VGLL1: variants seen among roughly 807,000 people sequenced by gnomAD.
VGLL1 encodes the protein transcription cofactor vestigial-like protein 1.
In VGLL1, 4 loss-of-function variants were observed where a neutral mutation model predicts 12.0. The ratio of observed to expected loss-of-function variants is 0.33; its 90% CI spans 0.16 to 0.76. The LOEUF is 0.76. Among genes scored for constraint, VGLL1 ranks in the 30% least tolerant of loss-of-function variants. VGLL1 has a pLI of 0.60. For synonymous variants in VGLL1, 87 were observed against 81.2 expected, an observed-to-expected ratio of 1.07 and a Z score of -0.39; for missense variants, 204 against 208.7, an observed-to-expected ratio of 0.98 and a Z score of 0.14.
chrX:136,538,607 C>T (rs754711571), intron 2 of VGLL1, among the ~76,000 whole-genome samples: 4 of 112,460 alleles, frequency 3.6e-5, no homozygotes, highest in Non-Finnish European at 7.5e-5. Flanking sequence ...GGAAGACGTA[C>T]GTACCTCCAA....
rs758487310 is a variant in VGLL1 at position 136,548,912 on chromosome X, C to G, written c.538C>G (p.Arg180Gly). Residue 180 changes from arginine to glycine, a missense_variant, in exon 3 of 5, where the codon CGT becomes GGT. Arg to Gly is a moderately radical substitution (Grantham distance 125, BLOSUM62 -2). Coordinates refer to ENST00000370634, the MANE Select transcript of VGLL1 (RefSeq NM_016267.4). ...CCTCCAGCAAGACAGATGCCTAGCC[C>G]GTCCTCAGGAATCTGCCGCCAGGGA... is the stretch of plus-strand genomic sequence containing the variant. The part of the protein sequence containing the change: ...SLLQQDRCLA[R>G]PQESAARENG... 1.6e-6 allele frequency: 2 copies of G among 1,212,155 alleles called. No homozygotes were observed. The highest frequency in any genetic ancestry group is 3.5e-5 in the South Asian group (2 of 57,009).
intron 2 of VGLL1, among the ~76,000 whole-genome samples, chrX:136,537,196 C>A (rs946112194): frequency 9.1e-6 from 1 of 109,785 alleles, no homozygotes; most frequent in South Asian, 3.9e-4. Context: ...ATAGTGAGAC[C>A]CTGTGTCTAC....
intron 2 of VGLL1, among the ~76,000 whole-genome samples, chrX:136,543,138 G>T: frequency 9.0e-6 from 1 of 111,588 alleles, no homozygotes; most frequent in Non-Finnish European, 1.9e-5. Flanking sequence ...TTCTGTGTTT[G>T]ATCTCTGTTT....
chrX:136,539,004 G>A (rs1224939734), intron 2 of VGLL1, among the ~76,000 whole-genome samples: 2 of 111,170 alleles, frequency 1.8e-5, no homozygotes, highest in African/African-American at 3.3e-5. Context: ...TCATTTGGGG[G>A]ATTGACATGT....
At position 136,536,176 on chromosome X, in the gene VGLL1, C is replaced by G. The variant is rs770671075; in HGVS notation, c.156C>G (p.Ile52Met). The G allele has an allele frequency of 2.5e-6, 3 of 1,209,125 alleles. No individual in the cohort carries two copies. Among genetic ancestry groups the G allele is most frequent in the South Asian group, 3.5e-5 (2 of 56,680 alleles). ...DEHFSRALSN[I>M]KSPQELTPSS... ...ACTTCTCCAGAGCTCTGAGCAATAT[C>G]AAGAGCCCCCAGGAATTGACCCCCT... The change falls in exon 2 of 5, where the codon ATC (isoleucine) becomes ATG (methionine). Residue 52 changes from isoleucine (I) to methionine (M), a missense_variant. Physicochemically the swap from Ile to Met is conservative, Grantham distance 10. Transcript: ENST00000370634.
chrX:136,541,697 A>G (rs2075856450), intron 2 of VGLL1, among the ~76,000 whole-genome samples: 1 of 112,108 alleles, frequency 8.9e-6, no homozygotes, highest in East Asian at 2.8e-4. Flanking sequence ...ACAGGCTCCC[A>G]TTCATGGGCT....
intron 2 of VGLL1, among the ~76,000 whole-genome samples, chrX:136,538,672 C>A (rs1386941509): frequency 8.9e-6 from 1 of 112,817 alleles, no homozygotes. Flanking sequence ...AGGCAAAGAG[C>A]TCCCCTGTTT....
chrX:136,548,816 C>T lies in VGLL1; in HGVS notation c.442C>T (p.His148Tyr). The T allele has an allele frequency of 8.2e-7, 1 of 1,212,195 alleles. No individual in the cohort carries two copies. The highest frequency in any genetic ancestry group is 1.7e-5 in the African/African-American group (1 of 57,888). ...CAGCTCCTTAGAGCCTGGCTACTCTCATCCCTTCCCCGCTCGGCACCTGGT... is the reference window on the plus strand; with the variant it reads ...CAGCTCCTTAGAGCCTGGCTACTCTTATCCCTTCCCCGCTCGGCACCTGGT... ...GTSSLEPGYS[H>Y]PFPARHLVPE... The change falls in exon 3 of 5, where the codon CAT (histidine) becomes TAT (tyrosine). Residue 148 changes from histidine to tyrosine, a missense_variant. Physicochemically the swap from His to Tyr is moderately conservative, Grantham distance 83. Coordinates refer to ENST00000370634, the MANE Select transcript of VGLL1 (RefSeq NM_016267.4).
intron 2 of VGLL1, among the ~76,000 whole-genome samples, chrX:136,544,390 G>A (rs766849392): frequency 1.8e-5 from 2 of 112,282 alleles, no homozygotes; most frequent in East Asian, 2.8e-4. Flanking sequence ...GATATTTACC[G>A]ACAAATTTCT....
chrX:136,532,683 T>C (rs1236373405), intron 1 of VGLL1, among the ~76,000 whole-genome samples: 1 of 105,555 alleles, frequency 9.5e-6, no homozygotes, highest in Non-Finnish European at 1.9e-5. Context: ...TTCTTCTTTC[T>C]TTCTTTCATT....
rs369165622 is a variant in VGLL1 at position 136,535,987 on chromosome X, G to T, written c.-25-9G>T. The stretch of plus-strand genomic sequence containing the variant: ...ATAGTGCCAGTGACATTTTGCCTTT[G>T]GTCCACAGCTGTCACCTGTGTCATT... On this transcript the variant is annotated splice_polypyrimidine_tract_variant and intron_variant, in intron 1 of 4. Transcript: ENST00000370634. 5 of 1,180,813 alleles carry T rather than the reference G, an allele frequency of 4.2e-6. No homozygotes were observed. Among genetic ancestry groups the T allele is most frequent in the Non-Finnish European group, 5.7e-6 (5 of 871,018 alleles).
intron 2 of VGLL1, among the ~76,000 whole-genome samples, chrX:136,546,194 A>G (rs950624948): frequency 8.9e-6 from 1 of 111,874 alleles, no homozygotes; most frequent in African/African-American, 3.3e-5. Context: ...CACTTGGATG[A>G]AAAAAATGTC....
At chrX:136,535,882 G>A in intron 1 of VGLL1, 114 bp from the exon 2 acceptor site, 5 of 564,762 alleles carry the variant, frequency 8.9e-6, no homozygotes, top group Non-Finnish European at 1.4e-5. Context: ...GGGCCCCAGT[G>A]AGCACGTGTA....
At position 136,549,343 on chromosome X, in the gene VGLL1, T is replaced by C. The variant is rs374773262; in HGVS notation, c.634+335T>C. ...GTTTACCTCATTGGGAGCAATTAAA[T>C]AAGCCATTTGCAGAACAGAGCTCTG... On this transcript the variant is annotated intron_variant, in intron 3 of 4. Coordinates refer to ENST00000370634, the MANE Select transcript of VGLL1 (RefSeq NM_016267.4). Among the ~76,000 whole-genome samples the C allele has an allele frequency of 1.4e-4, 16 of 111,614 alleles. No individual in the cohort carries two copies. In the South Asian group the frequency reaches 3.8e-3, roughly 26 times the overall value.
At chrX:136,535,796 T>C (rs2075837926) in intron 1 of VGLL1, among the ~76,000 whole-genome samples, 200 bp from the exon 2 acceptor site, 1 of 111,544 alleles carries the variant, frequency 9.0e-6, no homozygotes, top group Admixed American at 9.5e-5. Flanking sequence ...ATTTGTCATG[T>C]TGTCCCTTGA....
Position 136,536,233 on chromosome X carries a change from C to A in VGLL1, c.213C>A (p.Asn71Lys), listed in dbSNP as rs149083598. ...AGAGTGAAGGTGTGATGCTGAAAAACGGTGAGCATGTGGGGAGGGAGGGAG... is the reference window on the plus strand; with the variant it reads ...AGAGTGAAGGTGTGATGCTGAAAAAAGGTGAGCATGTGGGGAGGGAGGGAG... ...SSQSEGVMLKNDDSMSPNQWR... is the reference protein window; with the variant it reads ...SSQSEGVMLKKDDSMSPNQWR... The change falls in exon 2 of 5, where the codon AAC (asparagine) becomes AAA (lysine). Residue 71 changes from asparagine to lysine, a missense_variant and splice_region_variant. Asn to Lys is a moderately conservative substitution (Grantham distance 94). Transcript: ENST00000370634. The A allele has an allele frequency of 5.3e-5, 64 of 1,206,102 alleles. No individual in the cohort carries two copies. The highest frequency in any genetic ancestry group is 7.2e-5 in the Non-Finnish European group (64 of 893,087).
intron 1 of VGLL1, among the ~76,000 whole-genome samples, chrX:136,535,489 G>T (rs2075837210): frequency 9.0e-6 from 1 of 111,472 alleles, no homozygotes; most frequent in South Asian, 3.8e-4. Flanking sequence ...GGGAGTAGGA[G>T]AATTTGATGT....
At chrX:136,556,043 A>G (rs1292723950) in intron 4 of VGLL1, among the ~76,000 whole-genome samples, 1 of 111,496 alleles carries the variant, frequency 9.0e-6, no homozygotes, top group Non-Finnish European at 1.9e-5. Context: ...CCCATTGAGA[A>G]TAGGTTGAGG....
At chrX:136,538,649 G>T (rs780971490) in intron 2 of VGLL1, among the ~76,000 whole-genome samples, 2 of 112,716 alleles carry the variant, frequency 1.8e-5, no homozygotes, top group Non-Finnish European at 3.7e-5. Context: ...GGACAAGTGG[G>T]GCCTCTGCCT....
Sources: allele counts gnomAD v4.1 joint callset (sites outside exome capture counted in the v4.1 genomes callset), GRCh38; gene constraint gnomAD v4.1.1; transcripts MANE v1.5; gene names NCBI Gene and HGNC (gene_info 2026-07-23, HGNC 2026-07-21).